CDCA5: variants seen among roughly 807,000 people sequenced by gnomAD.
CDCA5 encodes the protein cell division cycle associated 5.
In CDCA5, 14 loss-of-function variants were observed where a neutral mutation model predicts 25.7. The ratio of observed to expected loss-of-function variants is 0.54; its 90% confidence interval spans 0.36 to 0.85. CDCA5 has a LOEUF of 0.85. Among genes scored for constraint, CDCA5 ranks in the 40% least tolerant of loss-of-function variants. CDCA5 has a pLI of 0.01. For synonymous variants in CDCA5, 127 were observed against 128.7 expected (o/e 0.99, Z 0.09); for missense variants, 307 against 324.5 (o/e 0.95, Z 0.41).
chr11:65,061,793 A>C (rs1253637596), downstream of CDCA5, among the ~76,000 whole-genome samples: 16 of 151,020 alleles, frequency 1.1e-4, no homozygotes, highest in South Asian at 2.1e-4. Context: ...AAAAAAAAAA[A>C]AACAAAAAAA....
At position 65,079,012 on chromosome 11, in the gene CDCA5, A is replaced by G; in HGVS notation, c.*95T>C. ...CACCAGCACACACACAGGTAACAAG[A>G]CCAGGGGAGGGGACCCTAAGTGTCC... On this transcript the variant is annotated 3_prime_UTR_variant, in exon 6 of 6. Transcript: ENST00000275517. The G allele has an allele frequency of 1.5e-6, 2 of 1,377,864 alleles. No individual in the cohort carries two copies. Among genetic ancestry groups the G allele is most frequent in the Non-Finnish European group, 1.9e-6 (2 of 1,066,370 alleles). The allele number at this position is 1,377,864 out of a possible 1,614,324, so 85.4% of individuals were successfully genotyped here. A position where few individuals can be genotyped will look rare whatever the true frequency, so the allele number is the denominator to read the frequency against.
chr11:65,066,415 G>C, exon 7 of CDCA5: 1 of 1,248,104 alleles, frequency 8.0e-7, no homozygotes, highest in South Asian at 1.3e-5. Flanking sequence ...TGGTCTCTGT[G>C]GTCGTGGGGC....
downstream of CDCA5, among the ~76,000 whole-genome samples, chr11:65,075,062 C>CAAAA (rs56076033): frequency 1.5e-5 from 1 of 66,194 alleles, no homozygotes; most frequent in African/African-American, 5.9e-5. Flanking sequence ...AACTCCGTCT[C>CAAAA]AAAAAAAAAA....
rs948196130 is a variant in CDCA5 at position 65,070,233 on chromosome 11, C to T, written c.64-1632G>A. Among the ~76,000 whole-genome samples, 7 of 152,068 alleles carry T rather than the reference C, an allele frequency of 4.6e-5. No individual in the cohort carries two copies. The South Asian group carries it at 6.2e-4, about 14-fold the overall frequency. Reference sequence around the variant, plus strand: ...CATAGTTCAGAGGGTGAGTGGAAGGCGTAGACACTGGGGCCAGGATGCCAA... The same window carrying T: ...CATAGTTCAGAGGGTGAGTGGAAGGTGTAGACACTGGGGCCAGGATGCCAA... On this transcript the variant is annotated intron_variant, in intron 1 of 6. Transcript: ENST00000525464.
chr11:65,066,647 T>C (rs1947244087), exon 6 of CDCA5: 1 of 1,289,188 alleles, frequency 7.8e-7, no homozygotes, highest in African/African-American at 1.5e-5. Context: ...TGGCCTGGGC[T>C]CCCTCCTTCA....
In CDCA5 at chr11:65,078,524, C is replaced by G; in HGVS notation, c.*583G>C. On this transcript the variant is annotated 3_prime_UTR_variant, in exon 6 of 6. Transcript: ENST00000275517. ...TACATCCTTCAAAACTCAGACTCCA[C>G]AGGCTGAATGTCCAGCTTCTTCCTC... 1.0e-6 allele frequency: 1 copy of G among 985,676 alleles called. No homozygotes were observed. Among genetic ancestry groups the G allele is most frequent in the Non-Finnish European group, 1.2e-6 (1 of 830,064 alleles). 61.1% of individuals were successfully genotyped at this position (985,676 alleles called of 1,614,324 possible).
At position 65,079,174 on chromosome 11, in the gene CDCA5, T is replaced by C; in HGVS notation, c.692A>G (p.Asp231Gly). The C allele has an allele frequency of 6.6e-7, 1 of 1,524,164 alleles. No individual in the cohort carries two copies. The highest frequency in any genetic ancestry group is 8.8e-7 in the Non-Finnish European group (1 of 1,136,742). 94.4% of individuals were successfully genotyped at this position (1,524,164 alleles called of 1,614,324 possible). The change falls in exon 6 of 6, where the codon GAT becomes GGT. Residue 231 changes from aspartate to glycine, a missense_variant. Physicochemically the swap from Asp to Gly is moderately conservative, Grantham distance 94. Coordinates refer to ENST00000275517, the MANE Select transcript of CDCA5 (RefSeq NM_080668.4). Reference protein sequence around the residue: ...KMPEILKTELDEWAAAMNAEF... With the variant: ...KMPEILKTELGEWAAAMNAEF... ...GGCATTCATGGCCGCAGCCCACTCA[T>C]CCAGCTCCGTTTTCTGAGGGAAGAG...
At position 65,070,944 on chromosome 11, in the gene CDCA5, CTTTT is replaced by C. The variant is rs56999278; in HGVS notation, c.64-2347_64-2344del. ...AGTTTGGGATTTTGGATTTTCTTTT[CTTTT>C]TTTTTTTTTTTGAGACAGAGTCTCG... On this transcript the variant is annotated intron_variant, in intron 1 of 6. Transcript: ENST00000525464. 2.2e-5 allele frequency among the ~76,000 whole-genome samples: 3 copies of C among 138,380 alleles called. No homozygotes were observed. In the East Asian group the frequency reaches 6.3e-4, roughly 29 times the overall value. 90.8% of individuals were successfully genotyped at this position (138,380 alleles called of 152,430 possible). A position where few individuals can be genotyped will look rare whatever the true frequency, so the allele number is the denominator to read the frequency against.
chr11:65,065,401 C>A (rs1947223667), downstream of CDCA5, among the ~76,000 whole-genome samples: 1 of 152,124 alleles, frequency 6.6e-6, no homozygotes, highest in African/African-American at 2.4e-5. Context: ...GATTCTCGTG[C>A]CTCAGCCTCC....
downstream of CDCA5, among the ~76,000 whole-genome samples, chr11:65,076,910 G>A (rs1947457090): frequency 6.6e-6 from 1 of 152,172 alleles, no homozygotes. Context: ...CACTGGGGGA[G>A]CTCTTAGCAC....
At position 65,066,944 on chromosome 11, in the gene CDCA5, C is replaced by T. The variant is rs183156333; in HGVS notation, c.369-65G>A. 11 of 1,179,232 alleles carry T rather than the reference C, an allele frequency of 9.3e-6. No homozygotes were observed. In the African/African-American group the frequency reaches 1.4e-4, roughly 15 times the overall value. The allele number at this position is 1,179,232 out of a possible 1,614,324, so 73.0% of individuals were successfully genotyped here. A position where few individuals can be genotyped will look rare whatever the true frequency, so the allele number is the denominator to read the frequency against. The stretch of plus-strand genomic sequence containing the variant: ...TTTTGTTCCAGGCAGCACTCCCCAC[C>T]CCTCCCACCTCCTGCTTCAGCCACC... On this transcript the variant is annotated intron_variant, in intron 4 of 6. Transcript: ENST00000525464.
downstream of CDCA5, among the ~76,000 whole-genome samples, chr11:65,062,970 G>A (rs564989702): frequency 8.1e-4 from 123 of 152,226 alleles, no homozygotes; most frequent in Middle Eastern, 3.4e-3. Flanking sequence ...AGCAGTGCCC[G>A]GCACCTATGA....
At chr11:65,071,058 CA>C (rs1279712424) in intron 1 of CDCA5, among the ~76,000 whole-genome samples, 1 of 151,242 alleles carries the variant, frequency 6.6e-6, no homozygotes, top group African/African-American at 2.4e-5. Flanking sequence ...TCTCCTGCCT[CA>C]GCCTCCCGAG....
At position 65,077,803 on chromosome 11, in the gene CDCA5, A is replaced by C; in HGVS notation, c.*1304T>G. The C allele has an allele frequency of 1.0e-6, 1 of 985,652 alleles. No individual in the cohort carries two copies. Among genetic ancestry groups the C allele is most frequent in the Admixed American group, 6.1e-5 (1 of 16,268 alleles). 61.1% of individuals were successfully genotyped at this position (985,652 alleles called of 1,614,324 possible). A position where few individuals can be genotyped will look rare whatever the true frequency, so the allele number is the denominator to read the frequency against. ...GGGCCCGCCTGGCCTGCACCGTTTCATCCAAGTACCCTGACCCAGCACTCA... is the reference window on the plus strand; with the variant it reads ...GGGCCCGCCTGGCCTGCACCGTTTCCTCCAAGTACCCTGACCCAGCACTCA... On this transcript the variant is annotated 3_prime_UTR_variant, in exon 6 of 6. Coordinates refer to ENST00000275517, the MANE Select transcript of CDCA5 (RefSeq NM_080668.4).
downstream of CDCA5, among the ~76,000 whole-genome samples, chr11:65,076,280 AT>A (rs1308623587): frequency 1.1e-5 from 1 of 91,164 alleles, no homozygotes; most frequent in Admixed American, 1.2e-4. Context: ...ACGCCCATTT[AT>A]TTTTTTTACA....
At chr11:65,077,290 G>GA (rs1411052751), downstream of CDCA5, among the ~76,000 whole-genome samples, 18 of 147,982 alleles carry the variant, frequency 1.2e-4, no homozygotes, top group East Asian at 9.9e-4. Context: ...CTGTCTCAAA[G>GA]AAAAAAAAAA....
intron 4 of CDCA5, among the ~76,000 whole-genome samples, chr11:65,082,033 TG>T (rs1371471825): frequency 6.6e-6 from 1 of 152,272 alleles, no homozygotes; most frequent in Non-Finnish European, 1.5e-5. Context: ...GGAAGGCCAC[TG>T]GGGGGCAATT....
downstream of CDCA5, among the ~76,000 whole-genome samples, chr11:65,064,293 C>T: frequency 6.6e-6 from 1 of 151,936 alleles, no homozygotes; most frequent in Non-Finnish European, 1.5e-5. Flanking sequence ...TGGCGGGTGC[C>T]TGTAGTCCCA....
chr11:65,078,958 C>CCT lies in CDCA5; in HGVS notation c.*147_*148dup. 1 of 1,267,274 alleles carries CCT rather than the reference C, an allele frequency of 7.9e-7. No homozygotes were observed. Among genetic ancestry groups the CCT allele is most frequent in the South Asian group, 3.5e-5 (1 of 28,922 alleles). 78.5% of individuals were successfully genotyped at this position (1,267,274 alleles called of 1,614,324 possible). On this transcript the variant is annotated 3_prime_UTR_variant, in exon 6 of 6. Transcript: ENST00000275517. ...AGATGGCTGCCGCTGCTGCCCAAGC[C>CCT]CTCAAAGGCAGACAGTCCTCATGCG...
Sources: allele counts gnomAD v4.1 joint callset (sites outside exome capture counted in the v4.1 genomes callset), GRCh38; gene constraint gnomAD v4.1.1; transcripts MANE v1.5; gene names NCBI Gene and HGNC (gene_info 2026-07-23, HGNC 2026-07-21).